Variants in LRRK2 observed in about 807,000 individuals in gnomAD.
LRRK2 encodes leucine-rich repeat serine/threonine-protein kinase 2.
In LRRK2, 203 loss-of-function variants were observed where a neutral mutation model predicts 302.6. The observed-to-expected ratio is 0.67, with a 90% CI of 0.60 to 0.75. The LOEUF (loss-of-function observed/expected upper bound fraction) is 0.75, where lower values mean the gene tolerates loss of function less well. Ranked by LOEUF, LRRK2 falls within the 30% of genes least tolerant of loss-of-function variation. The probability of loss-of-function intolerance (pLI) is 0.00; values close to 1 mark genes in which losing one functional copy is unlikely to be tolerated. For missense variants in LRRK2, 2,830 were observed against 2,951.0 expected, an observed-to-expected ratio of 0.96 and a Z score of 0.95; for synonymous variants, 1,066 against 1,031.9, an observed-to-expected ratio of 1.03 and a Z score of -0.63.
At chr12:40,345,156 A>G (rs1946154647) in intron 41 of LRRK2, among the ~76,000 whole-genome samples, 1 of 152,206 alleles carries the variant, frequency 6.6e-6, no homozygotes, top group Non-Finnish European at 1.5e-5. Flanking sequence ...TACTTTAACA[A>G]TCATATAAGT....
At chr12:40,226,501 A>T (rs1188400807) in intron 2 of LRRK2, among the ~76,000 whole-genome samples, 1 of 152,200 alleles carries the variant, frequency 6.6e-6, no homozygotes, top group Non-Finnish European at 1.5e-5. Flanking sequence ...CTTGACAGAC[A>T]TGAGGCATCT....
At position 40,257,242 on chromosome 12, in the gene LRRK2, T is replaced by C; in HGVS notation, c.1289-6T>C. On this transcript the variant is annotated splice_region_variant and splice_polypyrimidine_tract_variant and intron_variant, in intron 11 of 50. Coordinates refer to ENST00000298910, the MANE Select transcript of LRRK2 (RefSeq NM_198578.4). ...TATCTATAAGTAACATTTTAAAAAA[T>C]CTCAGTTAATTTCAGAAAAATACTG... is the stretch of plus-strand genomic sequence containing the variant. 6.5e-7 allele frequency: 1 copy of C among 1,536,992 alleles called. No individual in the cohort carries two copies. The highest frequency in any genetic ancestry group is 1.1e-5 in the South Asian group (1 of 89,250).
chr12:40,269,180 G>T (rs1443688092), intron 14 of LRRK2, among the ~76,000 whole-genome samples: 1 of 152,094 alleles, frequency 6.6e-6, no homozygotes, highest in Non-Finnish European at 1.5e-5. Context: ...AGATATACTT[G>T]CTCATGTACA....
At chr12:40,332,375 C>CT (rs1565758194) in intron 39 of LRRK2, among the ~76,000 whole-genome samples, 1 of 152,076 alleles carries the variant, frequency 6.6e-6, no homozygotes, top group Non-Finnish European at 1.5e-5. Context: ...GGATTTCTTT[C>CT]TTTTTTTGAG....
intron 13 of LRRK2, among the ~76,000 whole-genome samples, chr12:40,263,055 G>C (rs1942846236): frequency 1.3e-5 from 2 of 152,172 alleles, no homozygotes; most frequent in Non-Finnish European, 2.9e-5. Flanking sequence ...GCCTGTTGTA[G>C]CCAGCTTACA....
At position 40,325,109 on chromosome 12, in the gene LRRK2, A is replaced by T. The variant is rs373337923; in HGVS notation, c.5656+1803A>T. On this transcript the variant is annotated intron_variant, in intron 38 of 50. Transcript: ENST00000298910. Reference sequence around the variant, plus strand: ...AAGACCAGCCTGACCAAGATGGTGAAACCTCATCTCTACTAAAAATACAAA... The same window carrying T: ...AAGACCAGCCTGACCAAGATGGTGATACCTCATCTCTACTAAAAATACAAA... 2.4e-4 allele frequency among the ~76,000 whole-genome samples: 37 copies of T among 152,218 alleles called. No individual in the cohort carries two copies. In the South Asian group the frequency reaches 4.3e-3, roughly 18 times the overall value.
chr12:40,287,272 G>C, intron 19 of LRRK2, 79 bp from the exon 20 acceptor site: 2 of 1,258,760 alleles, frequency 1.6e-6, no homozygotes, highest in South Asian at 2.5e-5. Context: ...ATAGCAATAC[G>C]TAAGAACTTT....
At chr12:40,293,744 A>G in intron 21 of LRRK2, 81 bp downstream of exon 21, 1 of 925,796 alleles carries the variant, frequency 1.1e-6, no homozygotes, top group Admixed American at 1.7e-5. Context: ...TGCCAAAGCT[A>G]GGAACAATTG....
chr12:40,234,593 G>T (rs1422402898), intron 3 of LRRK2, among the ~76,000 whole-genome samples: 1 of 151,538 alleles, frequency 6.6e-6, no homozygotes, highest in Non-Finnish European at 1.5e-5. Context: ...TGGCCAGGAT[G>T]GTCTTGATCT....
chr12:40,299,458 A>G (rs371768406), intron 25 of LRRK2, among the ~76,000 whole-genome samples: 1 of 152,226 alleles, frequency 6.6e-6, no homozygotes, highest in South Asian at 2.1e-4. Flanking sequence ...ACATAAATGC[A>G]TATTGGTAAG....
intron 25 of LRRK2, chr12:40,301,134 C>T: frequency 4.4e-6 from 2 of 456,350 alleles, no homozygotes; most frequent in South Asian, 3.1e-5. Flanking sequence ...TTGCTTTGCA[C>T]TACACAATCT....
intron 2 of LRRK2, among the ~76,000 whole-genome samples, chr12:40,231,670 T>A (rs1391955965): frequency 2.0e-5 from 3 of 148,518 alleles, no homozygotes; most frequent in Non-Finnish European, 4.5e-5. Flanking sequence ...TAAAACTATT[T>A]TTTATAGTTT....
chr12:40,284,787 A>T (rs775805023), intron 19 of LRRK2, among the ~76,000 whole-genome samples: 3 of 152,126 alleles, frequency 2.0e-5, no homozygotes, highest in Non-Finnish European at 4.4e-5. Context: ...ACTTAGTCCC[A>T]TGCCCATCTC....
At chr12:40,335,237 C>A in intron 40 of LRRK2, 80 bp downstream of exon 40, 1 of 1,399,770 alleles carries the variant, frequency 7.1e-7, no homozygotes, top group Non-Finnish European at 1.0e-6. Flanking sequence ...GAACACTTCC[C>A]AGTAACACTG....
intron 39 of LRRK2, among the ~76,000 whole-genome samples, chr12:40,331,364 G>A (rs1945706677): frequency 6.6e-6 from 1 of 152,190 alleles, no homozygotes; most frequent in African/African-American, 2.4e-5. Context: ...GATCACTGCT[G>A]AGACCATACC....
At chr12:40,328,578 T>G in intron 39 of LRRK2, 118 bp downstream of exon 39, 1 of 757,574 alleles carries the variant, frequency 1.3e-6, no homozygotes, top group Middle Eastern at 3.8e-4. Context: ...TTAAGTTTAA[T>G]TATGCAATCC....
At chr12:40,291,229 T>G (rs1480837476) in intron 20 of LRRK2, among the ~76,000 whole-genome samples, 2 of 146,608 alleles carry the variant, frequency 1.4e-5, no homozygotes, top group African/African-American at 2.5e-5. Context: ...AATTGAACAA[T>G]GAGAACACTT....
chr12:40,243,442 A>G (rs1486189764), intron 6 of LRRK2, 108 bp from the exon 7 acceptor site: 12 of 1,222,584 alleles, frequency 9.8e-6, no homozygotes, highest in African/African-American at 1.5e-5. Flanking sequence ...TTGGAAATGC[A>G]GTCATTATGC....
At chr12:40,298,103 A>G in intron 23 of LRRK2, 140 bp from the exon 24 acceptor site, 2 of 817,716 alleles carry the variant, frequency 2.4e-6, no homozygotes, top group Non-Finnish European at 3.8e-6. Flanking sequence ...GTATACTGAA[A>G]TTCTGTTGTG....
Sources: gnomAD v4.1 joint callset for allele counts (sites outside exome capture counted in the v4.1 genomes callset) on GRCh38, gnomAD v4.1.1 for gene constraint, MANE v1.5 for transcripts, NCBI Gene and HGNC (gene_info 2026-07-23, HGNC 2026-07-21) for gene names.